Variants in FBXO30 observed in about 807,000 individuals in gnomAD.
FBXO30 encodes F-box only protein 30.
In FBXO30, 21 loss-of-function variants were observed where a neutral mutation model predicts 58.1. The observed-to-expected ratio is 0.36, with a 90% CI of 0.26 to 0.52. FBXO30 has a LOEUF of 0.52. Among genes scored for constraint, FBXO30 ranks in the 20% least tolerant of loss-of-function variants. The pLI is 0.93. For missense variants in FBXO30, 744 were observed against 897.3 expected (o/e 0.83, Z 2.18); for synonymous variants, 309 against 312.4 (o/e 0.99, Z 0.11).
intron 1 of FBXO30, among the ~76,000 whole-genome samples, chr6:145,810,783 T>C (rs928424415): frequency 1.3e-5 from 2 of 152,204 alleles, no homozygotes; most frequent in African/African-American, 2.4e-5. Context: ...AAGTGCAAAT[T>C]AGCATGATTT....
At position 145,800,418 on chromosome 6, in the gene FBXO30, A is replaced by G. The variant is rs1041697738; in HGVS notation, c.2035-109T>C. ...CTGCTATTATAGAAGCATCCAATAT[A>G]AAGTTTCAAATAGCTATAAAATTAA... On this transcript the variant is annotated intron_variant, in intron 2 of 2. Transcript: ENST00000237281. 1.9e-5 allele frequency: 15 copies of G among 793,110 alleles called. No homozygotes were observed. The Admixed American group carries it at 4.4e-4, about 23-fold the overall frequency. The allele number at this position is 793,110 out of a possible 1,614,324, so 49.1% of individuals were successfully genotyped here. A position where few individuals can be genotyped will look rare whatever the true frequency, so the allele number is the denominator to read the frequency against.
intron 1 of FBXO30, 75 bp from the exon 2 acceptor site, chr6:145,806,496 AT>A (rs1159043270): frequency 9.3e-7 from 1 of 1,079,484 alleles, no homozygotes; most frequent in Non-Finnish European, 1.3e-6. Context: ...TAATAATTAA[AT>A]CACTAATTTA....
intron 1 of FBXO30, among the ~76,000 whole-genome samples, chr6:145,808,642 T>C (rs916863264): frequency 6.6e-6 from 1 of 152,190 alleles, no homozygotes; most frequent in African/African-American, 2.4e-5. Flanking sequence ...CAGATTCCTC[T>C]TTCAAACTCC....
At chr6:145,807,846 T>G (rs577055687) in intron 1 of FBXO30, among the ~76,000 whole-genome samples, 4 of 152,220 alleles carry the variant, frequency 2.6e-5, no homozygotes, top group Admixed American at 6.5e-5. Flanking sequence ...AAAACTAAAA[T>G]AATAGTCACG....
At chr6:145,813,456 A>C (rs1034065230) in intron 1 of FBXO30, among the ~76,000 whole-genome samples, 28 of 152,348 alleles carry the variant, frequency 1.8e-4, no homozygotes, top group Middle Eastern at 3.4e-3. Flanking sequence ...AGCATGAAGA[A>C]GAGTGATTCA....
rs1156514670 is a variant in FBXO30, at chr6:145,793,815, G to A, written c.*6291C>T. On this transcript the variant is annotated 3_prime_UTR_variant, in exon 3 of 3. Transcript: ENST00000237281. Reference sequence around the variant, plus strand: ...GCTGTCAGGAGTACTTCTATGATGGGATTCACAAATTTTACTAGAACTTTA... The same window carrying A: ...GCTGTCAGGAGTACTTCTATGATGGAATTCACAAATTTTACTAGAACTTTA... 1.3e-5 allele frequency: 2 copies of A among 151,890 alleles called. No individual in the cohort carries two copies. Among genetic ancestry groups the A allele is most frequent in the East Asian group, 3.9e-4 (2 of 5,188 alleles). 9.4% of individuals were successfully genotyped at this position (151,890 alleles called of 1,614,324 possible). A position where few individuals can be genotyped will look rare whatever the true frequency, so the allele number is the denominator to read the frequency against.
At position 145,799,948 on chromosome 6, in the gene FBXO30, A is replaced by C; in HGVS notation, c.*158T>G. Reference sequence around the variant, plus strand: ...ACATTAAGGCAACTTTTTCCAACTAAACAGTACTTTATAAAAATAGATGTC... The same window carrying C: ...ACATTAAGGCAACTTTTTCCAACTACACAGTACTTTATAAAAATAGATGTC... On this transcript the variant is annotated 3_prime_UTR_variant, in exon 3 of 3. Transcript: ENST00000237281. 1.7e-6 allele frequency: 1 copy of C among 597,740 alleles called. No individual in the cohort carries two copies. The highest frequency in any genetic ancestry group is 2.8e-6 in the Non-Finnish European group (1 of 363,408). The allele number at this position is 597,740 out of a possible 1,614,324, so 37.0% of individuals were successfully genotyped here.
Position 145,805,040 on chromosome 6 carries a change from C to A in FBXO30, c.1366G>T (p.Val456Phe). 1.9e-6 allele frequency: 3 copies of A among 1,613,932 alleles called. No homozygotes were observed. The highest frequency in any genetic ancestry group is 3.3e-4 in the Middle Eastern group (2 of 6,062). Residue 456 changes from valine (V) to phenylalanine (F), a missense_variant, in exon 2 of 3, where the codon GTT becomes TTT. Physicochemically the swap from Val to Phe is conservative, Grantham distance 50. Coordinates refer to ENST00000237281, the MANE Select transcript of FBXO30 (RefSeq NM_032145.5). Reference protein sequence around the residue: ...SRMADIYHIDVGTQTFSLPSA... With the variant: ...SRMADIYHIDFGTQTFSLPSA... The stretch of plus-strand genomic sequence containing the variant: ...GGAAGTGAAAAAGTCTGAGTCCCAA[C>A]GTCAATGTGATAAATATCAGCCATG...
rs1219579320 is a variant in FBXO30 at position 145,797,523 on chromosome 6, C to T, written c.*2583G>A. 1 of 152,014 alleles carries T rather than the reference C, an allele frequency of 6.6e-6. No individual in the cohort carries two copies. Among genetic ancestry groups the T allele is most frequent in the African/African-American group, 2.4e-5 (1 of 41,406 alleles). The allele number at this position is 152,014 out of a possible 1,614,324, so 9.4% of individuals were successfully genotyped here. The stretch of plus-strand genomic sequence containing the variant: ...TTAAAACAGATTGTTGGGTCCCACC[C>T]CAGAGTTCCTGATTCACTAAGTCTG... On this transcript the variant is annotated 3_prime_UTR_variant, in exon 3 of 3. Coordinates refer to ENST00000237281, the MANE Select transcript of FBXO30 (RefSeq NM_032145.5).
rs1445524241 is a variant in FBXO30, at chr6:145,796,223, A to G, written c.*3883T>C. On this transcript the variant is annotated 3_prime_UTR_variant, in exon 3 of 3. Transcript: ENST00000237281. Reference sequence around the variant, plus strand: ...TTAATCTTTTAAATAAAGGGAAATAATTATGTAAAAGATGACTTCAAAAGC... The same window carrying G: ...TTAATCTTTTAAATAAAGGGAAATAGTTATGTAAAAGATGACTTCAAAAGC... 1 of 152,014 alleles carries G rather than the reference A, an allele frequency of 6.6e-6. No homozygotes were observed. The highest frequency in any genetic ancestry group is 1.5e-5 in the Non-Finnish European group (1 of 67,898). The allele number at this position is 152,014 out of a possible 1,614,324, so 9.4% of individuals were successfully genotyped here.
chr6:145,808,852 A>G (rs985075419), intron 1 of FBXO30, among the ~76,000 whole-genome samples: 11 of 152,344 alleles, frequency 7.2e-5, no homozygotes, highest in South Asian at 4.1e-4. Flanking sequence ...CATAAAATCT[A>G]TCTTGGCTCC....
Position 145,800,184 on chromosome 6 carries a change from A to C in FBXO30, c.2160T>G (p.Pro720=). The change falls in exon 3 of 3, where the codon CCT becomes CCG. Residue 720 remains proline (P), a synonymous_variant. Coordinates refer to ENST00000237281, the MANE Select transcript of FBXO30 (RefSeq NM_032145.5). The stretch of plus-strand genomic sequence containing the variant: ...CTCGTGTCACACACATACATGGCAA[A>C]GGGATTGCTTCCTCCCGTTTCTCGA... The part of the protein sequence containing the change: ...NVVEKREEAI[P]LPCMCVTREL... 4 of 1,613,130 alleles carry C rather than the reference A, an allele frequency of 2.5e-6. No individual in the cohort carries two copies. Among genetic ancestry groups the C allele is most frequent in the Non-Finnish European group, 3.4e-6 (4 of 1,179,350 alleles).
chr6:145,800,974 C>A (rs1354026571), intron 2 of FBXO30, among the ~76,000 whole-genome samples: 2 of 152,066 alleles, frequency 1.3e-5, no homozygotes, highest in Non-Finnish European at 2.9e-5. Flanking sequence ...AAAATACTTA[C>A]CTGCCATCCC....
intron 1 of FBXO30, among the ~76,000 whole-genome samples, chr6:145,810,960 C>T (rs1583202030): frequency 6.6e-6 from 1 of 152,276 alleles, no homozygotes; most frequent in Middle Eastern, 3.4e-3. Context: ...TACTTTTCCA[C>T]ATACTCCAAA....
chr6:145,809,266 A>T (rs2128667633), intron 1 of FBXO30, among the ~76,000 whole-genome samples: 1 of 152,358 alleles, frequency 6.6e-6, no homozygotes, highest in South Asian at 2.1e-4. Flanking sequence ...GACAAATCTT[A>T]CTGAGTGATT....
rs1193047872 is a variant in FBXO30, at chr6:145,805,385, T to C, written c.1021A>G (p.Ile341Val). The part of the protein sequence containing the change: ...LAVAAQLREI[I>V]PSSALPNGTV... The stretch of plus-strand genomic sequence containing the variant: ...CCATTAGGCAAAGCACTGGATGGTA[T>C]TATTTCCCTAAGTTGTGCTGCCACC... The change falls in exon 2 of 3, where the codon ATA becomes GTA. Residue 341 changes from isoleucine to valine, a missense_variant. Coordinates refer to ENST00000237281, the MANE Select transcript of FBXO30 (RefSeq NM_032145.5). The C allele has an allele frequency of 6.2e-7, 1 of 1,614,080 alleles. No individual in the cohort carries two copies. The highest frequency in any genetic ancestry group is 1.3e-5 in the African/African-American group (1 of 75,056).
At position 145,799,676 on chromosome 6, in the gene FBXO30, A is replaced by C. The variant is rs1777938505; in HGVS notation, c.*430T>G. 6.5e-6 allele frequency: 1 copy of C among 154,790 alleles called. No homozygotes were observed. Among genetic ancestry groups the C allele is most frequent in the Non-Finnish European group, 1.4e-5 (1 of 69,566 alleles). The allele number at this position is 154,790 out of a possible 1,614,324, so 9.6% of individuals were successfully genotyped here. ...TAATGATATTATGGCAGTGCTTAAC[A>C]AATTCAGAATATTTTTATATGAAAA... On this transcript the variant is annotated 3_prime_UTR_variant, in exon 3 of 3. Coordinates refer to ENST00000237281, the MANE Select transcript of FBXO30 (RefSeq NM_032145.5).
chr6:145,805,244 A>G lies in FBXO30; in HGVS notation c.1162T>C (p.Ser388Pro), dbSNP rs1218364628. 1.2e-6 allele frequency: 2 copies of G among 1,613,990 alleles called. No individual in the cohort carries two copies. The highest frequency in any genetic ancestry group is 2.7e-5 in the African/African-American group (2 of 74,922). The change falls in exon 2 of 3, where the codon TCA becomes CCA. Residue 388 changes from serine to proline, a missense_variant. This residue lies in a region of FBXO30 where 275 missense variants were observed against 262.0 expected (regional missense o/e 1.05). Transcript: ENST00000237281. ...CATGAATTAGAAAGAAAATTGAATG[A>G]AGGAGCATGACTGAAAGATAAGACA... Reference protein sequence around the residue: ...VDVLSFSHAPSFNFLSNSCWS... With the variant: ...VDVLSFSHAPPFNFLSNSCWS...
chr6:145,803,510 A>G (rs1778069259), intron 2 of FBXO30, among the ~76,000 whole-genome samples: 2 of 152,170 alleles, frequency 1.3e-5, no homozygotes, highest in South Asian at 4.1e-4. Context: ...AAAGTTTATC[A>G]CAATTGTTTC....
Sources: allele counts gnomAD v4.1 joint callset (sites outside exome capture counted in the v4.1 genomes callset), GRCh38; gene constraint gnomAD v4.1.1; regional missense constraint gnomAD v4.1.1; transcripts MANE v1.5; gene names NCBI Gene and HGNC (gene_info 2026-07-23, HGNC 2026-07-21).